The following ZNF107 variants were observed in gnomAD, a reference collection of about 807,000 sequenced individuals.
ZNF107 encodes the protein zinc finger protein 107.
ZNF107 carries 19 observed loss-of-function variants against 12.3 expected under a neutral mutation model. The ratio of observed to expected loss-of-function variants is 1.55; its 90% CI spans 1.08 to 2.27. The LOEUF (loss-of-function observed/expected upper bound fraction) is 2.27, where lower values mean the gene tolerates loss of function less well. Among genes scored for constraint, ZNF107 ranks in the 30% most tolerant of loss-of-function variants. The probability of loss-of-function intolerance (pLI) is 0.00; values close to 1 mark genes in which losing one functional copy is unlikely to be tolerated. For missense variants in ZNF107, 958 were observed against 979.9 expected (o/e 0.98, Z 0.30); for synonymous variants, 317 against 330.5 (o/e 0.96, Z 0.44).
intron 1 of ZNF107, among the ~76,000 whole-genome samples, chr7:64,670,514 T>C (rs1183024673): frequency 6.6e-6 from 1 of 152,176 alleles, no homozygotes; most frequent in East Asian, 1.9e-4. Context: ...AGAACTTTCT[T>C]TTGACCACTG....
At chr7:64,687,263 C>T in intron 1 of ZNF107, 1 of 986,024 alleles carries the variant, frequency 1.0e-6, no homozygotes, top group Non-Finnish European at 1.2e-6. Context: ...TATATGGACT[C>T]ATGCTGGAAA....
intron 1 of ZNF107, chr7:64,689,664 C>G (rs1041731936): frequency 6.9e-6 from 1 of 144,168 alleles, no homozygotes; most frequent in Non-Finnish European, 1.5e-5. Context: ...TATTTAGAAT[C>G]AGCCTGAGTC....
intron 1 of ZNF107, among the ~76,000 whole-genome samples, chr7:64,690,895 C>T (rs1435635782): frequency 3.3e-5 from 5 of 152,180 alleles, no homozygotes; most frequent in Non-Finnish European, 7.3e-5. Context: ...ACATGTGCCA[C>T]TGCACCCTGC....
Position 64,708,868 on chromosome 7 carries a change from G to T in ZNF107, c.*212G>T. 1.7e-6 allele frequency: 1 copy of T among 603,432 alleles called. No individual in the cohort carries two copies. 37.4% of individuals were successfully genotyped at this position (603,432 alleles called of 1,614,324 possible). Reference sequence around the variant, plus strand: ...GAAAGTTGAGAAAATTCGTACTGGAGAGAATCCTACAAATGTGAAAAATGT... The same window carrying T: ...GAAAGTTGAGAAAATTCGTACTGGATAGAATCCTACAAATGTGAAAAATGT... On this transcript the variant is annotated 3_prime_UTR_variant, in exon 4 of 4. Transcript: ENST00000620827.
intron 3 of ZNF107, among the ~76,000 whole-genome samples, chr7:64,705,385 GTTGT>G (rs545576563): frequency 0.011 from 1,618 of 151,436 alleles, 32 homozygotes; most frequent in African/African-American, 0.037. Context: ...ATTTTCAATA[GTTGT>G]TTGTGTTCCT....
intron 1 of ZNF107, chr7:64,687,106 T>C (rs1789948089): frequency 1.6e-5 from 16 of 985,236 alleles, no homozygotes; most frequent in African/African-American, 1.7e-5. Context: ...ATGCTTTTCT[T>C]TTTTTTTCCC....
At chr7:64,697,303 C>T (rs931693860) in intron 3 of ZNF107, among the ~76,000 whole-genome samples, 3 of 152,154 alleles carry the variant, frequency 2.0e-5, no homozygotes, top group Non-Finnish European at 4.4e-5. Flanking sequence ...TTTATAGCAG[C>T]ATGATTTATA....
intron 1 of ZNF107, among the ~76,000 whole-genome samples, chr7:64,670,508 C>G (rs1017609682): frequency 2.0e-5 from 3 of 152,126 alleles, no homozygotes; most frequent in South Asian, 2.1e-4. Context: ...TTAAGAAGAA[C>G]TTTCTTTTGA....
intron 1 of ZNF107, 25 bp from the exon 2 acceptor site, chr7:64,691,223 A>ATG: frequency 1.4e-6 from 2 of 1,443,730 alleles, no homozygotes; most frequent in South Asian, 1.5e-5. Context: ...TGCTTGGTAA[A>ATG]TGTGTGTGTG....
intron 3 of ZNF107, among the ~76,000 whole-genome samples, chr7:64,705,400 A>G (rs1790605841): frequency 6.6e-6 from 1 of 151,830 alleles, no homozygotes; most frequent in Non-Finnish European, 1.5e-5. Flanking sequence ...TTGTGTTCCT[A>G]TTCACTCATG....
At chr7:64,700,463 ACTT>A (rs1258820435) in intron 3 of ZNF107, among the ~76,000 whole-genome samples, 5 of 142,528 alleles carry the variant, frequency 3.5e-5, no homozygotes, top group Non-Finnish European at 7.5e-5. Flanking sequence ...GCTGGCATGC[ACTT>A]CTTGTACAGG....
At chr7:64,666,541 G>T (rs1370022290) in intron 1 of ZNF107, among the ~76,000 whole-genome samples, 1 of 152,208 alleles carries the variant, frequency 6.6e-6, no homozygotes, top group Non-Finnish European at 1.5e-5. Flanking sequence ...CAGTGACTGT[G>T]CCCTGGCCTG....
Position 64,709,512 on chromosome 7 carries a change from CAT to C in ZNF107, c.*858_*859del. 2.8e-6 allele frequency: 1 copy of C among 352,702 alleles called. No homozygotes were observed. Among genetic ancestry groups the C allele is most frequent in the Non-Finnish European group, 5.4e-6 (1 of 184,018 alleles). The allele number at this position is 352,702 out of a possible 1,614,324, so 21.8% of individuals were successfully genotyped here. ...ACACCTCGAACTTTCTAACATAAAT[CAT>C]ACTGGTGAAAAATCCTAGAAATGTG... On this transcript the variant is annotated 3_prime_UTR_variant, in exon 4 of 4. Coordinates refer to ENST00000620827, the MANE Select transcript of ZNF107 (RefSeq NM_001282359.2).
chr7:64,708,207 C>A lies in ZNF107; in HGVS notation c.2110C>A (p.Pro704Thr), dbSNP rs959629805. 6.2e-7 allele frequency: 1 copy of A among 1,613,104 alleles called. No individual in the cohort carries two copies. Among genetic ancestry groups the A allele is most frequent in the Non-Finnish European group, 8.5e-7 (1 of 1,179,686 alleles). ...TAAGAGAATTCATACGGGAGAGAAA[C>A]CTTACCAATGTGCAGAATGTGGCAA... Reference protein sequence around the residue: ...IHKRIHTGEKPYQCAECGKAF... With the variant: ...IHKRIHTGEKTYQCAECGKAF... Residue 704 changes from proline (P) to threonine (T), a missense_variant, in exon 4 of 4, where the codon CCT becomes ACT. Pro to Thr is a conservative substitution (Grantham distance 38). Transcript: ENST00000620827.
rs1339157116 is a variant in ZNF107, at chr7:64,707,383, A to G, written c.1286A>G (p.Glu429Gly). The change falls in exon 4 of 4, where the codon GAA (glutamate) becomes GGA (glycine). Residue 429 changes from glutamate to glycine, a missense_variant. Glu to Gly is a moderately conservative substitution (Grantham distance 98). Coordinates refer to ENST00000620827, the MANE Select transcript of ZNF107 (RefSeq NM_001282359.2). ...GGAGAGAAACCCTACAAATGTAAAG[A>G]ATGTGGCAAAGCTTTTAACCAATCT... ...HTGEKPYKCK[E>G]CGKAFNQSSN... 6 of 1,613,392 alleles carry G rather than the reference A, an allele frequency of 3.7e-6. No individual in the cohort carries two copies. The East Asian group carries it at 1.3e-4, about 36-fold the overall frequency.
At chr7:64,680,877 C>G (rs1262065698) in intron 1 of ZNF107, among the ~76,000 whole-genome samples, 3 of 152,170 alleles carry the variant, frequency 2.0e-5, no homozygotes, top group Non-Finnish European at 4.4e-5. Context: ...TAAGACGAAC[C>G]CCAGCCACAC....
At position 64,709,251 on chromosome 7, in the gene ZNF107, C is replaced by T; in HGVS notation, c.*595C>T. 2.7e-6 allele frequency: 1 copy of T among 373,974 alleles called. No homozygotes were observed. Among genetic ancestry groups the T allele is most frequent in the Non-Finnish European group, 5.3e-6 (1 of 188,564 alleles). The allele number at this position is 373,974 out of a possible 1,614,324, so 23.2% of individuals were successfully genotyped here. On this transcript the variant is annotated 3_prime_UTR_variant, in exon 4 of 4. Transcript: ENST00000620827. Reference sequence around the variant, plus strand: ...GGCAAAGCTTTTAACTGATTCTCAACTCTTACTACATGTAAGAGTATTTAT... The same window carrying T: ...GGCAAAGCTTTTAACTGATTCTCAATTCTTACTACATGTAAGAGTATTTAT...
In ZNF107 at chr7:64,706,551, A is replaced by T; in HGVS notation, c.454A>T (p.Lys152Ter). Reference sequence around the variant, plus strand: ...AATATTCCAGTGTAATAAATATGTGAAAGTCTTTGATAAATTTTCAAATTC... The same window carrying T: ...AATATTCCAGTGTAATAAATATGTGTAAGTCTTTGATAAATTTTCAAATTC... The part of the protein sequence containing the change: ...SKIFQCNKYV[K>*]VFDKFSNSNR... The change falls in exon 4 of 4, where the codon AAA (lysine) becomes TAA (stop). Residue 152 changes from lysine (K) to a stop codon, truncating the protein, a stop_gained. Coordinates refer to ENST00000620827, the MANE Select transcript of ZNF107 (RefSeq NM_001282359.2). LOFTEE classifies it low-confidence loss of function (END_TRUNC). 6.2e-7 allele frequency: 1 copy of T among 1,608,380 alleles called. No individual in the cohort carries two copies. Among genetic ancestry groups the T allele is most frequent in the Non-Finnish European group, 8.5e-7 (1 of 1,178,014 alleles).
intron 1 of ZNF107, among the ~76,000 whole-genome samples, chr7:64,688,257 CTTTTT>C (rs36082192): frequency 7.5e-6 from 1 of 133,324 alleles, no homozygotes; most frequent in East Asian, 2.2e-4. Context: ...CCTTCCTCCT[CTTTTT>C]TTTTTTTTTT....
Sources: allele counts gnomAD v4.1 joint callset (sites outside exome capture counted in the v4.1 genomes callset), GRCh38; gene constraint gnomAD v4.1.1; transcripts MANE v1.5; gene names NCBI Gene and HGNC (gene_info 2026-07-23, HGNC 2026-07-21).